Variants in KCNU1 observed in about 807,000 individuals in gnomAD.
The protein encoded by KCNU1 is potassium calcium-activated channel subfamily U member 1.
KCNU1 carries 93 observed loss-of-function variants against 126.8 expected under a neutral mutation model. The observed-to-expected ratio is 0.73, with a 90% CI of 0.62 to 0.87. The LOEUF (loss-of-function observed/expected upper bound fraction) is 0.87. Among genes scored for constraint, KCNU1 ranks in the 40% least tolerant of loss-of-function variants. The pLI, the probability that KCNU1 is intolerant of heterozygous loss-of-function variation, is 0.00. For synonymous variants in KCNU1, 523 were observed against 494.2 expected (o/e 1.06, Z -0.77); for missense variants, 1,330 against 1,367.1 (o/e 0.97, Z 0.43).
chr8:36,879,193 G>GTA (rs761399668), intron 19 of KCNU1, among the ~76,000 whole-genome samples: 1 of 97,120 alleles, frequency 1.0e-5, no homozygotes, highest in Non-Finnish European at 2.0e-5. Flanking sequence ...ATATATGTAT[G>GTA]TGTGTGTGTG....
chr8:36,875,100 A>G (rs925701016), intron 19 of KCNU1, among the ~76,000 whole-genome samples: 6 of 152,140 alleles, frequency 3.9e-5, no homozygotes, highest in African/African-American at 1.2e-4. Context: ...TCATAAGGCC[A>G]TGTATAAATG....
chr8:36,798,929 G>A (rs1329372909), intron 2 of KCNU1, among the ~76,000 whole-genome samples: 1 of 152,212 alleles, frequency 6.6e-6, no homozygotes, highest in Non-Finnish European at 1.5e-5. Context: ...AATAAATCTC[G>A]TCAAATATTT....
intron 23 of KCNU1, among the ~76,000 whole-genome samples, chr8:36,919,378 TC>T (rs961094461): frequency 8.5e-6 from 1 of 118,234 alleles, no homozygotes; most frequent in African/African-American, 3.3e-5. Context: ...CCCATGTATT[TC>T]CCCCCGTCAC....
intron 2 of KCNU1, among the ~76,000 whole-genome samples, chr8:36,790,930 A>C (rs1405366008): frequency 6.6e-6 from 1 of 151,968 alleles, no homozygotes; most frequent in South Asian, 2.1e-4. Context: ...TTGAGGGAGA[A>C]TACATGGGCA....
intron 25 of KCNU1, 41 bp downstream of exon 25, chr8:36,931,186 A>C: frequency 6.9e-7 from 1 of 1,452,006 alleles, no homozygotes; most frequent in Non-Finnish European, 9.4e-7. Flanking sequence ...TCACTTCTTT[A>C]CCTCTCTGAG....
chr8:36,903,563 G>T (rs1392879812), intron 19 of KCNU1, among the ~76,000 whole-genome samples: 1 of 152,182 alleles, frequency 6.6e-6, no homozygotes, highest in African/African-American at 2.4e-5. Flanking sequence ...AATAGTAAAA[G>T]CTTTTGTGGT....
intron 24 of KCNU1, chr8:36,928,965 T>C (rs1197264704): frequency 1.4e-6 from 1 of 697,086 alleles, no homozygotes. Context: ...TCCAGATACA[T>C]GAGAAGCAAT....
intron 19 of KCNU1, among the ~76,000 whole-genome samples, chr8:36,884,411 G>A (rs376816151): frequency 2.1e-3 from 316 of 152,222 alleles, no homozygotes; most frequent in African/African-American, 7.2e-3. Context: ...GGTTAAATGC[G>A]TGGCAGGGTA....
chr8:36,822,785 AG>A (rs34251707), intron 10 of KCNU1, among the ~76,000 whole-genome samples: 2 of 152,214 alleles, frequency 1.3e-5, no homozygotes, highest in Non-Finnish European at 2.9e-5. Flanking sequence ...CTACACAGCA[AG>A]GAGCAGTGAT....
intron 20 of KCNU1, among the ~76,000 whole-genome samples, chr8:36,908,711 A>G (rs372976337): frequency 5.1e-4 from 78 of 152,138 alleles, no homozygotes; most frequent in African/African-American, 1.9e-3. Context: ...TGCGTGATGA[A>G]TTTCCTTGAT....
chr8:36,861,350 G>A (rs1026492678), intron 18 of KCNU1, among the ~76,000 whole-genome samples: 14 of 152,130 alleles, frequency 9.2e-5, no homozygotes, highest in Admixed American at 8.5e-4. Flanking sequence ...CCCCAGTTGA[G>A]GCCTTCTTTC....
chr8:36,872,949 C>G (rs1327729344), intron 19 of KCNU1, among the ~76,000 whole-genome samples: 1 of 152,072 alleles, frequency 6.6e-6, no homozygotes, highest in Non-Finnish European at 1.5e-5. Context: ...GAAACCCCGT[C>G]ACGCCTGTCA....
At chr8:36,819,828 C>G (rs1804055398) in intron 10 of KCNU1, among the ~76,000 whole-genome samples, 3 of 152,098 alleles carry the variant, frequency 2.0e-5, no homozygotes, top group African/African-American at 7.2e-5. Flanking sequence ...TTGCTATATA[C>G]TCCTGCCCCT....
chr8:36,794,972 A>C (rs1038964467), intron 2 of KCNU1, among the ~76,000 whole-genome samples: 5 of 152,226 alleles, frequency 3.3e-5, no homozygotes, highest in Non-Finnish European at 7.4e-5. Flanking sequence ...ATAAGAAATG[A>C]AAGTCCACCC....
intron 19 of KCNU1, among the ~76,000 whole-genome samples, chr8:36,877,678 C>G (rs1806324014): frequency 6.6e-6 from 1 of 151,900 alleles, no homozygotes; most frequent in African/African-American, 2.4e-5. Context: ...GAAATATACT[C>G]TGGTGTGGTC....
At chr8:36,931,258 A>C (rs1208778941) in intron 25 of KCNU1, 113 bp downstream of exon 25, 7 of 567,190 alleles carry the variant, frequency 1.2e-5, no homozygotes, top group Non-Finnish European at 2.1e-5. Flanking sequence ...AAATGATAAC[A>C]ATAAAAATAA....
intron 19 of KCNU1, among the ~76,000 whole-genome samples, chr8:36,902,350 G>T (rs981970885): frequency 6.6e-6 from 1 of 152,088 alleles, no homozygotes; most frequent in East Asian, 1.9e-4. Context: ...CTTGGGAGAA[G>T]ATCATCTTAA....
At chr8:36,891,106 T>A (rs1806945809) in intron 19 of KCNU1, among the ~76,000 whole-genome samples, 1 of 151,958 alleles carries the variant, frequency 6.6e-6, no homozygotes, top group Non-Finnish European at 1.5e-5. Context: ...TCTTGTCTGT[T>A]TTTAATCTAT....
intron 10 of KCNU1, among the ~76,000 whole-genome samples, chr8:36,825,863 CACTT>C (rs1166328310): frequency 6.6e-6 from 1 of 151,870 alleles, no homozygotes; most frequent in Non-Finnish European, 1.5e-5. Flanking sequence ...AATTTTATTC[CACTT>C]ACTTCTGACT....
Sources: gnomAD v4.1 joint callset for allele counts (sites outside exome capture counted in the v4.1 genomes callset) on GRCh38, gnomAD v4.1.1 for gene constraint, MANE v1.5 for transcripts, NCBI Gene and HGNC (gene_info 2026-07-23, HGNC 2026-07-21) for gene names.